The following NCK1 variants were observed in gnomAD, a reference collection of about 807,000 sequenced individuals.
The protein encoded by NCK1 is NCK adaptor protein 1, also known as SH2/SH3 adapter protein NCK1.
Under a neutral mutation model 36.6 loss-of-function variants are expected in NCK1, and 19 were observed. The ratio of observed to expected loss-of-function variants is 0.52; its 90% CI spans 0.36 to 0.76. NCK1 has a LOEUF of 0.76. Among genes scored for constraint, NCK1 ranks in the 30% least tolerant of loss-of-function variants. The pLI, the probability that NCK1 is intolerant of heterozygous loss-of-function variation, is 0.00. For synonymous variants in NCK1, 165 were observed against 156.0 expected (o/e 1.06, Z -0.43); for missense variants, 358 against 445.6 (o/e 0.80, Z 1.77).
intron 1 of NCK1, among the ~76,000 whole-genome samples, chr3:136,901,379 A>AT (rs1939538465): frequency 7.1e-6 from 1 of 141,000 alleles, no homozygotes; most frequent in African/African-American, 2.6e-5. Context: ...TTTTTTAAAT[A>AT]TTTTTTATTG....
At chr3:136,924,044 G>A (rs1377888282) in intron 1 of NCK1, among the ~76,000 whole-genome samples, 1 of 152,182 alleles carries the variant, frequency 6.6e-6, no homozygotes, top group Non-Finnish European at 1.5e-5. Flanking sequence ...TATTGAAATA[G>A]TTGATCTAGG....
chr3:136,926,268 ATTATTATTATTATTATTAT>A (rs1940234319), intron 1 of NCK1, among the ~76,000 whole-genome samples: 1 of 147,190 alleles, frequency 6.8e-6, no homozygotes, highest in Non-Finnish European at 1.5e-5. Flanking sequence ...TTTAAATTTT[ATTATTATTATTATTATTAT>A]TTTTTGATAC....
chr3:136,862,672 G>A (rs1179908995), intron 1 of NCK1, among the ~76,000 whole-genome samples: 5 of 151,234 alleles, frequency 3.3e-5, no homozygotes, highest in African/African-American at 9.7e-5. Context: ...GAGGTCGAGT[G>A]TGCGGCGCGC....
At chr3:136,913,599 C>G (rs776815486) in intron 1 of NCK1, among the ~76,000 whole-genome samples, 3 of 152,194 alleles carry the variant, frequency 2.0e-5, no homozygotes, top group Admixed American at 6.5e-5. Flanking sequence ...TAGGCTATCT[C>G]AGATCTTTTC....
At chr3:136,889,599 C>G (rs1317477712) in intron 1 of NCK1, among the ~76,000 whole-genome samples, 2 of 152,076 alleles carry the variant, frequency 1.3e-5, no homozygotes, top group Non-Finnish European at 2.9e-5. Context: ...CTGGCCCCAC[C>G]CACATGCTGC....
intron 2 of NCK1, among the ~76,000 whole-genome samples, chr3:136,934,966 A>T (rs1940491806): frequency 6.6e-6 from 1 of 152,040 alleles, no homozygotes. Context: ...ACTCCGCATG[A>T]TCTTGGCTCA....
intron 1 of NCK1, among the ~76,000 whole-genome samples, chr3:136,896,834 A>G (rs1015742130): frequency 6.6e-6 from 1 of 152,016 alleles, no homozygotes; most frequent in African/African-American, 2.4e-5. Context: ...GGTTGATTAC[A>G]TATATTTGCT....
chr3:136,870,202 C>T (rs113576894), intron 1 of NCK1, among the ~76,000 whole-genome samples: 8 of 151,486 alleles, frequency 5.3e-5, no homozygotes, highest in Admixed American at 1.3e-4. Flanking sequence ...TTTAGCTGGG[C>T]GTGGTGGTGC....
At chr3:136,863,629 T>C (rs779277788) in intron 1 of NCK1, among the ~76,000 whole-genome samples, 5 of 152,210 alleles carry the variant, frequency 3.3e-5, no homozygotes, top group Admixed American at 6.5e-5. Flanking sequence ...TCTGTGGAAA[T>C]TGGCTGTAAT....
chr3:136,906,329 C>T (rs777621447), intron 1 of NCK1, among the ~76,000 whole-genome samples: 3 of 152,078 alleles, frequency 2.0e-5, no homozygotes, highest in East Asian at 1.9e-4. Flanking sequence ...AGGCTGGTCT[C>T]GAACTCCTGA....
intron 1 of NCK1, among the ~76,000 whole-genome samples, chr3:136,869,026 C>G (rs1234523460): frequency 1.3e-5 from 2 of 151,894 alleles, no homozygotes; most frequent in Non-Finnish European, 2.9e-5. Context: ...GCCCCTGAGT[C>G]CAGGAGTTTG....
At chr3:136,862,658 C>G (rs1394375043) in intron 1 of NCK1, among the ~76,000 whole-genome samples, 1 of 15,876 alleles carries the variant, frequency 6.3e-5, no homozygotes, top group Non-Finnish European at 1.5e-4. Context: ...CCGTGCGAGC[C>G]TGGGAGGTCG....
At chr3:136,932,723 A>T (rs184249111) in intron 2 of NCK1, among the ~76,000 whole-genome samples, 127 of 152,326 alleles carry the variant, frequency 8.3e-4, no homozygotes, top group African/African-American at 2.9e-3. Context: ...TCTAACTCTA[A>T]AAGTCTTACA....
intron 1 of NCK1, among the ~76,000 whole-genome samples, chr3:136,864,016 G>C (rs1218492062): frequency 2.6e-5 from 4 of 152,052 alleles, no homozygotes; most frequent in Non-Finnish European, 5.9e-5. Flanking sequence ...CAGGAGAATG[G>C]CGTGAACCCG....
chr3:136,865,391 C>A lies in NCK1; in HGVS notation c.-19+3038C>A, dbSNP rs533815764. On this transcript the variant is annotated intron_variant, in intron 1 of 3. Coordinates refer to ENST00000481752, the MANE Select transcript of NCK1 (RefSeq NM_001291999.2). ...TGCGCCACCGTGGCTGGCCTATATT[C>A]ATTTTTCAAAAATTTTCTAGAGTTT... Among the ~76,000 whole-genome samples, 16 of 152,272 alleles carry A rather than the reference C, an allele frequency of 1.1e-4. No individual in the cohort carries two copies. In the East Asian group the frequency reaches 3.1e-3, roughly 29 times the overall value.
chr3:136,909,820 G>A (rs1242451055), intron 1 of NCK1, among the ~76,000 whole-genome samples: 7 of 152,018 alleles, frequency 4.6e-5, no homozygotes, highest in Admixed American at 3.9e-4. Context: ...TTTTATTAAT[G>A]TATAGTATCC....
intron 1 of NCK1, among the ~76,000 whole-genome samples, chr3:136,866,699 C>T (rs1166496570): frequency 2.6e-5 from 4 of 151,332 alleles, no homozygotes; most frequent in Non-Finnish European, 4.4e-5. Flanking sequence ...CTGCAACCTC[C>T]GTCTCCTTGG....
intron 1 of NCK1, among the ~76,000 whole-genome samples, chr3:136,872,185 A>G (rs1012048874): frequency 6.6e-6 from 1 of 152,190 alleles, no homozygotes; most frequent in Non-Finnish European, 1.5e-5. Flanking sequence ...AGACTTGTTG[A>G]ATGACTTTGC....
At chr3:136,919,215 A>G (rs1032224213) in intron 1 of NCK1, among the ~76,000 whole-genome samples, 2 of 149,046 alleles carry the variant, frequency 1.3e-5, no homozygotes, top group African/African-American at 4.9e-5. Flanking sequence ...GCATAAAGCA[A>G]TTTTTTTTTT....
Sources: gnomAD v4.1 joint callset for allele counts (sites outside exome capture counted in the v4.1 genomes callset) on GRCh38, gnomAD v4.1.1 for gene constraint, MANE v1.5 for transcripts, NCBI Gene and HGNC (gene_info 2026-07-23, HGNC 2026-07-21) for gene names.